The following NAV2 variants were observed in gnomAD, a reference collection of about 807,000 sequenced individuals.
NAV2 encodes neuron navigator 2.
In NAV2, 54 loss-of-function variants were observed where a neutral mutation model predicts 223.2. That is an observed-to-expected ratio of 0.24 (90% CI 0.19 to 0.30). The LOEUF (loss-of-function observed/expected upper bound fraction) is 0.30. Among genes scored for constraint, NAV2 ranks in the 10% least tolerant of loss-of-function variants. The pLI is 1.00. For missense variants in NAV2, 2,806 were observed against 3,147.5 expected (o/e 0.89, Z 2.60); for synonymous variants, 1,279 against 1,239.3 (o/e 1.03, Z -0.67).
At chr11:20,077,903 C>T (rs12146551) in intron 23 of NAV2, 90 bp from the exon 24 acceptor site, 538,836 of 1,011,996 alleles carry the variant, frequency 0.53, 148,461 homozygotes, top group South Asian at 0.69. Flanking sequence ...ACTTCATTCC[C>T]GCTCCTCCTG....
chr11:19,995,672 C>G (rs17542223), intron 11 of NAV2, among the ~76,000 whole-genome samples: 11,478 of 152,150 alleles, frequency 0.075, 580 homozygotes, highest in Non-Finnish European at 0.11. Context: ...GGGTCTTGGA[C>G]TTTTCTGATG....
At chr11:19,880,257 G>A in intron 5 of NAV2, 130 bp downstream of exon 5, 3 of 1,304,404 alleles carry the variant, frequency 2.3e-6, no homozygotes, top group Non-Finnish European at 2.1e-6. Context: ...GGTGGTTAGT[G>A]GGAAATTAGC....
chr11:20,031,419 A>G (rs1187589403), intron 11 of NAV2, among the ~76,000 whole-genome samples: 1 of 152,198 alleles, frequency 6.6e-6, no homozygotes, highest in African/African-American at 2.4e-5. Context: ...CATGCTTTCC[A>G]CATTTTTCCC....
chr11:19,662,312 G>A (rs61305584), intron 1 of NAV2, among the ~76,000 whole-genome samples: 3,255 of 152,312 alleles, frequency 0.021, 111 homozygotes, highest in African/African-American at 0.064. Flanking sequence ...GCAGAAGGCC[G>A]TTTGCTGTGG....
intron 1 of NAV2, among the ~76,000 whole-genome samples, chr11:19,564,544 G>A (rs1209579764): frequency 6.6e-6 from 1 of 152,166 alleles, no homozygotes; most frequent in East Asian, 1.9e-4. Flanking sequence ...CTCTGATCTG[G>A]GCGTCGTGTT....
chr11:19,517,077 G>A (rs569360994), intron 1 of NAV2, among the ~76,000 whole-genome samples: 1 of 152,168 alleles, frequency 6.6e-6, no homozygotes, highest in Non-Finnish European at 1.5e-5. Context: ...CGATGAAATG[G>A]GTTTTGCAGA....
At chr11:19,768,235 T>C (rs892705568) in intron 1 of NAV2, among the ~76,000 whole-genome samples, 2 of 152,170 alleles carry the variant, frequency 1.3e-5, no homozygotes, top group African/African-American at 2.4e-5. Context: ...GCTGTTTTTT[T>C]CCATGTTCTC....
At chr11:19,497,975 C>A (rs182362399) in intron 1 of NAV2, among the ~76,000 whole-genome samples, 1 of 152,218 alleles carries the variant, frequency 6.6e-6, no homozygotes, top group East Asian at 1.9e-4. Context: ...CACAGTAATT[C>A]TGAGGTCGTT....
intron 1 of NAV2, among the ~76,000 whole-genome samples, chr11:19,500,579 A>G (rs1011686323): frequency 6.6e-6 from 1 of 152,216 alleles, no homozygotes; most frequent in Admixed American, 6.5e-5. Context: ...GGAAGATAGT[A>G]TTAGTTGCTT....
chr11:19,410,120 A>AG (rs1255013200), intron 1 of NAV2, among the ~76,000 whole-genome samples: 1 of 152,158 alleles, frequency 6.6e-6, no homozygotes, highest in East Asian at 1.9e-4. Flanking sequence ...GCCCTGCTTC[A>AG]GGGGGGCAGA....
intron 6 of NAV2, among the ~76,000 whole-genome samples, chr11:19,893,125 G>A (rs1374868181): frequency 7.5e-6 from 1 of 133,770 alleles, no homozygotes; most frequent in Non-Finnish European, 1.6e-5. Context: ...TGTAACTTTT[G>A]CCATAAAAGG....
At chr11:19,381,263 G>A (rs1286363566) in intron 1 of NAV2, among the ~76,000 whole-genome samples, 1 of 152,054 alleles carries the variant, frequency 6.6e-6, no homozygotes, top group Non-Finnish European at 1.5e-5. Flanking sequence ...CTACTCACTG[G>A]ACTTGGAGCT....
intron 10 of NAV2, among the ~76,000 whole-genome samples, chr11:19,982,566 GTCTGA>G (rs919733608): frequency 7.2e-5 from 11 of 152,172 alleles, no homozygotes; most frequent in Middle Eastern, 3.4e-3. Flanking sequence ...CAAACACTTA[GTCTGA>G]TTTACTCCAA....
chr11:19,666,283 C>G (rs1040690879), intron 1 of NAV2, among the ~76,000 whole-genome samples: 3 of 152,180 alleles, frequency 2.0e-5, no homozygotes, highest in African/African-American at 7.2e-5. Flanking sequence ...AGGGTGGGGC[C>G]CAACACATAT....
At chr11:19,915,731 C>T (rs1483531146) in intron 6 of NAV2, among the ~76,000 whole-genome samples, 1 of 152,170 alleles carries the variant, frequency 6.6e-6, no homozygotes, top group African/African-American at 2.4e-5. Context: ...GTTGTCCTCC[C>T]CAGGTTCCGT....
At chr11:19,784,425 T>G (rs1239295705) in intron 1 of NAV2, among the ~76,000 whole-genome samples, 1 of 148,656 alleles carries the variant, frequency 6.7e-6, no homozygotes, top group African/African-American at 2.5e-5. Context: ...AAGAGGGGCT[T>G]TATTGCAAAA....
chr11:19,932,120 GAA>G (rs1162323443), intron 6 of NAV2, among the ~76,000 whole-genome samples: 1 of 150,026 alleles, frequency 6.7e-6, no homozygotes, highest in East Asian at 2.0e-4. Flanking sequence ...GCTTTTCTGA[GAA>G]AAGAGTCTGG....
chr11:20,103,251 A>G lies in NAV2; in HGVS notation c.6418-4A>G, dbSNP rs748202414. 7.4e-6 allele frequency: 12 copies of G among 1,610,744 alleles called. No individual in the cohort carries two copies. In the African/African-American group the frequency reaches 1.2e-4, roughly 16 times the overall value. ...TTCTCCTTCGGCCTTCCTGGCCACC[A>G]TAGGAATTGCGCCAGTACCTGTCCA... On this transcript the variant is annotated splice_region_variant and splice_polypyrimidine_tract_variant and intron_variant, in intron 32 of 37. Coordinates refer to ENST00000349880, the MANE Select transcript of NAV2 (RefSeq NM_145117.5).
At position 20,055,885 on chromosome 11, in the gene NAV2, A is replaced by T; in HGVS notation, c.4759A>T (p.Ser1587Cys). The part of the protein sequence containing the change: ...DPYTDSRFRN[S>C]SMSLDEKSRT... ...ATACACTGACAGCCGCTTCCGGAAT[A>T]GCTCCATGTCCCTGGATGAGAAGAG... The change falls in exon 19 of 38, where the codon AGC becomes TGC. Residue 1587 changes from serine to cysteine, a missense_variant. By Grantham distance (112) the Ser-to-Cys change is moderately radical. This residue lies in a region of NAV2 where 742 missense variants were observed against 777.9 expected (regional missense o/e 0.95). Coordinates refer to ENST00000349880, the MANE Select transcript of NAV2 (RefSeq NM_145117.5). The T allele has an allele frequency of 6.2e-7, 1 of 1,614,224 alleles. No homozygotes were observed. Among genetic ancestry groups the T allele is most frequent in the Non-Finnish European group, 8.5e-7 (1 of 1,180,036 alleles).
Sources: gnomAD v4.1 joint callset for allele counts (sites outside exome capture counted in the v4.1 genomes callset) on GRCh38, gnomAD v4.1.1 for gene constraint, gnomAD v4.1.1 regional missense constraint, MANE v1.5 for transcripts, NCBI Gene and HGNC (gene_info 2026-07-23, HGNC 2026-07-21) for gene names.